TESK2: variants seen among roughly 807,000 people sequenced by gnomAD.
TESK2 encodes the protein dual specificity testis-specific protein kinase 2.
In TESK2, 39 loss-of-function variants were observed where a neutral mutation model predicts 57.1. That is an observed-to-expected ratio of 0.68 (90% CI 0.53 to 0.89). TESK2 has a LOEUF of 0.89. Among genes scored for constraint, TESK2 ranks in the 40% least tolerant of loss-of-function variants. The pLI is 0.00. For synonymous variants in TESK2, 249 were observed against 267.9 expected, an observed-to-expected ratio of 0.93 and a Z score of 0.69; for missense variants, 646 against 732.1, an observed-to-expected ratio of 0.88 and a Z score of 1.36.
intron 2 of TESK2, among the ~76,000 whole-genome samples, chr1:45,453,675 GA>G: frequency 6.6e-6 from 1 of 152,200 alleles, no homozygotes; most frequent in Non-Finnish European, 1.5e-5. Context: ...GGTAACAAAA[GA>G]AAAAATTAAT....
chr1:45,480,319 G>A (rs1014060264), intron 1 of TESK2, among the ~76,000 whole-genome samples: 6 of 151,596 alleles, frequency 4.0e-5, no homozygotes, highest in East Asian at 2.0e-4. Flanking sequence ...TTAGCTGGGC[G>A]TGGTGGCACA....
intron 1 of TESK2, among the ~76,000 whole-genome samples, chr1:45,486,546 G>A (rs1443309628): frequency 6.6e-6 from 1 of 151,498 alleles, no homozygotes; most frequent in South Asian, 2.1e-4. Context: ...GGTGGCCCTC[G>A]CCTGTAATCC....
intron 2 of TESK2, among the ~76,000 whole-genome samples, chr1:45,432,758 CTTTTTTTT>C (rs1300292630): frequency 2.3e-5 from 2 of 87,666 alleles, no homozygotes; most frequent in South Asian, 4.7e-4. Flanking sequence ...AATATTATAA[CTTTTTTTT>C]TTTTTTTTTT....
In TESK2 at chr1:45,344,723, C is replaced by G. The variant is rs1190459174; in HGVS notation, c.*117G>C. 5 of 1,003,704 alleles carry G rather than the reference C, an allele frequency of 5.0e-6. No homozygotes were observed. The East Asian group carries it at 1.3e-4, about 26-fold the overall frequency. The allele number at this position is 1,003,704 out of a possible 1,614,324, so 62.2% of individuals were successfully genotyped here. On this transcript the variant is annotated 3_prime_UTR_variant, in exon 11 of 11. Coordinates refer to ENST00000372086, the MANE Select transcript of TESK2 (RefSeq NM_007170.3). The stretch of plus-strand genomic sequence containing the variant: ...CTGGGAGCCCAGAAGTTGAGCCTGG[C>G]TTGGCCTAGCCTGCCTGCTCTGTAG...
At chr1:45,391,011 G>A (rs929073090) in intron 3 of TESK2, among the ~76,000 whole-genome samples, 9 of 150,284 alleles carry the variant, frequency 6.0e-5, no homozygotes, top group South Asian at 2.1e-4. Context: ...TCTGCCTCCC[G>A]GGTTCATGCC....
chr1:45,375,505 C>A (rs1000177360), intron 4 of TESK2, among the ~76,000 whole-genome samples: 1 of 149,908 alleles, frequency 6.7e-6, no homozygotes, highest in East Asian at 2.0e-4. Context: ...TCCCTGTCTA[C>A]ATGTTGAAAA....
At chr1:45,394,689 T>C in intron 3 of TESK2, among the ~76,000 whole-genome samples, 1 of 135,578 alleles carries the variant, frequency 7.4e-6, no homozygotes, top group African/African-American at 2.7e-5. Flanking sequence ...CTTTTTTTTT[T>C]TTTTTTTTTT....
At chr1:45,417,942 T>C (rs1266146537) in intron 3 of TESK2, among the ~76,000 whole-genome samples, 1 of 152,200 alleles carries the variant, frequency 6.6e-6, no homozygotes, top group African/African-American at 2.4e-5. Context: ...TACCATTTTA[T>C]TATATAACAA....
chr1:45,384,601 T>TTTATTTTTTTTTTA, intron 4 of TESK2, among the ~76,000 whole-genome samples: 1 of 117,372 alleles, frequency 8.5e-6, no homozygotes, highest in Non-Finnish European at 1.7e-5. Context: ...TAATTTTTTT[T>TTTATTTTTTTTTTA]TTTTTTTTTT....
chr1:45,400,510 TG>T (rs1649555123), intron 3 of TESK2, among the ~76,000 whole-genome samples: 3 of 152,210 alleles, frequency 2.0e-5, no homozygotes, highest in Admixed American at 2.0e-4. Context: ...AAAAATTGTA[TG>T]GGTCACTCCC....
chr1:45,473,433 C>T (rs1652854519), intron 1 of TESK2, among the ~76,000 whole-genome samples: 1 of 152,154 alleles, frequency 6.6e-6, no homozygotes, highest in African/African-American at 2.4e-5. Context: ...TTTGCACCAA[C>T]CTAATATGTC....
At chr1:45,396,817 T>G (rs576264188) in intron 3 of TESK2, among the ~76,000 whole-genome samples, 3 of 141,240 alleles carry the variant, frequency 2.1e-5, no homozygotes, top group South Asian at 4.8e-4. Flanking sequence ...TTTTTTTTTT[T>G]TTTTTTTTTT....
At chr1:45,436,908 C>T (rs1651257165) in intron 2 of TESK2, among the ~76,000 whole-genome samples, 1 of 152,098 alleles carries the variant, frequency 6.6e-6, no homozygotes, top group Non-Finnish European at 1.5e-5. Flanking sequence ...AGCGATCCTC[C>T]CGCCTCAGCT....
chr1:45,426,853 AACATC>A (rs1250695350), intron 2 of TESK2, among the ~76,000 whole-genome samples: 5 of 152,240 alleles, frequency 3.3e-5, no homozygotes, highest in African/African-American at 1.2e-4. Flanking sequence ...AAAGGTATTC[AACATC>A]ACTGATCATC....
intron 5 of TESK2, among the ~76,000 whole-genome samples, chr1:45,351,982 C>T (rs1036180536): frequency 3.3e-5 from 5 of 152,156 alleles, no homozygotes; most frequent in Non-Finnish European, 7.4e-5. Flanking sequence ...ATAAGAAAGC[C>T]TGATACTGTC....
At chr1:45,406,269 A>G (rs1240330100) in intron 3 of TESK2, among the ~76,000 whole-genome samples, 1 of 152,196 alleles carries the variant, frequency 6.6e-6, no homozygotes, top group Non-Finnish European at 1.5e-5. Context: ...AAATTTCTCA[A>G]TAAAATATTT....
rs992538372 is a variant in TESK2 at position 45,380,519 on chromosome 1, A to G, written c.393+5393T>C. Reference sequence around the variant, plus strand: ...TTCTCTCTTTCTTCCTCTCCTCTCCATCCCAACCTCCCACTCATCTTGGCT... The same window carrying G: ...TTCTCTCTTTCTTCCTCTCCTCTCCGTCCCAACCTCCCACTCATCTTGGCT... On this transcript the variant is annotated intron_variant, in intron 4 of 10. Coordinates refer to ENST00000372086, the MANE Select transcript of TESK2 (RefSeq NM_007170.3). 2.0e-5 allele frequency among the ~76,000 whole-genome samples: 3 copies of G among 152,188 alleles called. 1 individual carries two copies. The highest frequency in any genetic ancestry group is 2.0e-4 in the Admixed American group (3 of 15,272).
At chr1:45,410,863 C>G (rs1650015050) in intron 3 of TESK2, among the ~76,000 whole-genome samples, 1 of 152,016 alleles carries the variant, frequency 6.6e-6, no homozygotes, top group African/African-American at 2.4e-5. Context: ...AGAAATCTGA[C>G]ATCGTTAACT....
At position 45,442,712 on chromosome 1, in the gene TESK2, C is replaced by A. The variant is rs563060126; in HGVS notation, c.222+14852G>T. Among the ~76,000 whole-genome samples, 15 of 152,360 alleles carry A rather than the reference C, an allele frequency of 9.8e-5. No individual in the cohort carries two copies. In the East Asian group the frequency reaches 2.9e-3, roughly 29 times the overall value. On this transcript the variant is annotated intron_variant, in intron 2 of 10. Coordinates refer to ENST00000372086, the MANE Select transcript of TESK2 (RefSeq NM_007170.3). Reference sequence around the variant, plus strand: ...ATTTGCTTTTATTTTCACAACTGCACACACATGTGCCACTTCCACTTCCAC... The same window carrying A: ...ATTTGCTTTTATTTTCACAACTGCAAACACATGTGCCACTTCCACTTCCAC...
Sources: gnomAD v4.1 joint callset for allele counts (sites outside exome capture counted in the v4.1 genomes callset) on GRCh38, gnomAD v4.1.1 for gene constraint, MANE v1.5 for transcripts, NCBI Gene and HGNC (gene_info 2026-07-23, HGNC 2026-07-21) for gene names.